PHF20L1: variants seen among roughly 807,000 people sequenced by gnomAD.
PHF20L1 encodes PHD finger protein 20 like 1.
A neutral mutation model predicts 125.5 loss-of-function variants in PHF20L1; 44 were observed. The ratio of observed to expected loss-of-function variants is 0.35; its 90% CI spans 0.28 to 0.45. The LOEUF is 0.45. PHF20L1 is among the 20% of genes least tolerant of loss of function. The pLI is 1.00. For synonymous variants in PHF20L1, 380 were observed against 403.1 expected, an observed-to-expected ratio of 0.94 and a Z score of 0.69; for missense variants, 1,012 against 1,217.2, an observed-to-expected ratio of 0.83 and a Z score of 2.51.
At chr8:132,810,897 A>G in intron 8 of PHF20L1, 149 bp from the exon 9 acceptor site, 2 of 609,276 alleles carry the variant, frequency 3.3e-6, no homozygotes, top group Non-Finnish European at 6.0e-6. Context: ...TATTAAGCAT[A>G]TTTGTATTTT....
intron 2 of PHF20L1, among the ~76,000 whole-genome samples, chr8:132,784,709 G>A (rs1363768747): frequency 3.9e-5 from 6 of 152,080 alleles, no homozygotes; most frequent in Admixed American, 1.3e-4. Context: ...AAACCTTTTG[G>A]CTCCCAATAT....
chr8:132,816,883 T>C lies in PHF20L1; in HGVS notation c.1184-5T>C, dbSNP rs1487541399. 6.2e-7 allele frequency: 1 copy of C among 1,605,170 alleles called. No individual in the cohort carries two copies. On this transcript the variant is annotated splice_region_variant and splice_polypyrimidine_tract_variant and intron_variant, in intron 10 of 20. Coordinates refer to ENST00000395386, the MANE Select transcript of PHF20L1 (RefSeq NM_016018.5). ...GCTTCGTGAACATTGAAGATCTTTT[T>C]CTAGGTCCTCCACAGCCTGTGAATC...
rs900858705 is a variant in PHF20L1, at chr8:132,838,074, G to A, written c.2191+263G>A. On this transcript the variant is annotated intron_variant, in intron 17 of 20. Transcript: ENST00000395386. ...AGAACCTATTGATTACCCTTAGTGA[G>A]GACTCACTGTACTTCTTGGTCAATT... is the stretch of plus-strand genomic sequence containing the variant. The A allele has an allele frequency of 8.9e-5, 28 of 315,468 alleles. No homozygotes were observed. In the East Asian group the frequency reaches 1.6e-3, roughly 18 times the overall value. The allele number at this position is 315,468 out of a possible 1,614,324, so 19.5% of individuals were successfully genotyped here. A position where few individuals can be genotyped will look rare whatever the true frequency, so the allele number is the denominator to read the frequency against.
At chr8:132,803,714 T>A in intron 6 of PHF20L1, 105 bp from the exon 7 acceptor site, 3 of 642,626 alleles carry the variant, frequency 4.7e-6, no homozygotes, top group African/African-American at 3.7e-5. Context: ...GTTTATGTAG[T>A]TACCTGTGAA....
At position 132,814,741 on chromosome 8, in the gene PHF20L1, G is replaced by T; in HGVS notation, c.1035G>T (p.Gly345=). 6.2e-7 allele frequency: 1 copy of T among 1,612,960 alleles called. No individual in the cohort carries two copies. Among genetic ancestry groups the T allele is most frequent in the Non-Finnish European group, 8.5e-7 (1 of 1,179,256 alleles). ...PALLSSTLSS[G]KARSKKCKHE... is the part of the protein sequence containing the mutation. ...TGTTATCCTCAACTTTGTCTTCAGG[G>T]AAGGCTCGCAGCAAGAAATGCAAAC... The change falls in exon 10 of 21, where the codon GGG becomes GGT. Residue 345 remains glycine (G), a synonymous_variant. Transcript: ENST00000395386.
At chr8:132,782,766 CTTTTTCTTTTTT>C (rs1030541838) in intron 2 of PHF20L1, among the ~76,000 whole-genome samples, 2 of 150,884 alleles carry the variant, frequency 1.3e-5, no homozygotes, top group African/African-American at 4.9e-5. Context: ...TTTTCTTTTT[CTTTTTCTTTTTT>C]TTTTTTTGGT....
At position 132,832,263 on chromosome 8, in the gene PHF20L1, C is replaced by T. The variant is rs16904746; in HGVS notation, c.1773C>T (p.Leu591=). The part of the protein sequence containing the change: ...HDYSDYEDSS[L]EFLERCSSPL... ...ATTCAGACTATGAAGACAGTTCCCT[C>T]GAATTTTTGGAAAGGTGCTCTTCTC... The change falls in exon 15 of 21, where the codon CTC becomes CTT. Residue 591 remains leucine, a synonymous_variant. Coordinates refer to ENST00000395386, the MANE Select transcript of PHF20L1 (RefSeq NM_016018.5). 666,513 of 1,591,530 alleles carry T rather than the reference C, an allele frequency of 0.42. 141,737 individuals carry two copies. Among genetic ancestry groups the T allele is most frequent in the South Asian group, 0.51 (46,033 of 90,508 alleles).
At chr8:132,830,322 A>G (rs1055464847) in intron 14 of PHF20L1, among the ~76,000 whole-genome samples, 6 of 152,066 alleles carry the variant, frequency 3.9e-5, no homozygotes, top group African/African-American at 1.4e-4. Flanking sequence ...CATATGATCC[A>G]GGATACTCTC....
At chr8:132,781,376 C>A (rs1316873020) in intron 2 of PHF20L1, among the ~76,000 whole-genome samples, 7 of 151,968 alleles carry the variant, frequency 4.6e-5, no homozygotes, top group Non-Finnish European at 1.0e-4. Flanking sequence ...ATGCATTGTA[C>A]CTTTTTAAGT....
chr8:132,816,724 A>G (rs1428194813), intron 10 of PHF20L1, 164 bp from the exon 11 acceptor site: 3 of 522,996 alleles, frequency 5.7e-6, no homozygotes, highest in East Asian at 6.6e-5. Context: ...ATGAGGGCAC[A>G]ATTTTTGCCT....
rs769817586 is a variant in PHF20L1, at chr8:132,803,839, A to C, written c.528A>C (p.Lys176Asn). 3.7e-6 allele frequency: 6 copies of C among 1,602,296 alleles called. No homozygotes were observed. The highest frequency in any genetic ancestry group is 4.3e-6 in the Non-Finnish European group (5 of 1,171,150). Residue 176 changes from lysine (K) to asparagine (N), a missense_variant, in exon 7 of 21, where the codon AAA becomes AAC. By Grantham distance (94) the Lys-to-Asn change is moderately conservative. Transcript: ENST00000395386. The part of the protein sequence containing the change: ...MGSEDWIALV[K>N]AAAAAAAKNK... ...TGGAGGATTGGATAGCTTTAGTCAA[A>C]GCAGCTGCTGCAGCTGCAGCCAAGA... is the stretch of plus-strand genomic sequence containing the variant.
chr8:132,779,180 G>A (rs1037356335), intron 2 of PHF20L1, among the ~76,000 whole-genome samples: 1 of 152,156 alleles, frequency 6.6e-6, no homozygotes, highest in Admixed American at 6.5e-5. Flanking sequence ...AATCGATACT[G>A]TCACTAGGTG....
intron 8 of PHF20L1, chr8:132,810,048 T>C (rs1563814357): frequency 6.7e-6 from 1 of 148,582 alleles, no homozygotes; most frequent in African/African-American, 2.4e-5. Flanking sequence ...TAAAATACTG[T>C]CTTTTTTTTT....
At chr8:132,781,086 A>G (rs926394605) in intron 2 of PHF20L1, among the ~76,000 whole-genome samples, 2 of 152,056 alleles carry the variant, frequency 1.3e-5, no homozygotes, top group Admixed American at 6.5e-5. Context: ...CCTGGCCTCA[A>G]ATGATCCTCC....
rs1563857439 is a variant in PHF20L1, at chr8:132,842,507, GT to G, written c.2388-4del. ...TCTGAACTGCTGTTTTTCCAACTTT[GT>G]TTTAAGGAATAAACATCATCCTGAC... On this transcript the variant is annotated splice_polypyrimidine_tract_variant and splice_region_variant and intron_variant, in intron 18 of 20. Coordinates refer to ENST00000395386, the MANE Select transcript of PHF20L1 (RefSeq NM_016018.5). 1.3e-6 allele frequency: 2 copies of G among 1,508,504 alleles called. No individual in the cohort carries two copies. The highest frequency in any genetic ancestry group is 2.7e-5 in the South Asian group (2 of 73,796). 93.4% of individuals were successfully genotyped at this position (1,508,504 alleles called of 1,614,324 possible).
chr8:132,776,226 GT>G (rs983975320), intron 1 of PHF20L1, among the ~76,000 whole-genome samples: 1 of 151,790 alleles, frequency 6.6e-6, no homozygotes, highest in African/African-American at 2.4e-5. Context: ...GGAAAATCTT[GT>G]TTTTTTTCTG....
At chr8:132,810,002 TG>T (rs1157214075) in intron 8 of PHF20L1, 1 of 152,072 alleles carries the variant, frequency 6.6e-6, no homozygotes, top group Non-Finnish European at 1.5e-5. Context: ...TTTAATGTCT[TG>T]GGATTCAAAT....
Position 132,824,033 on chromosome 8 carries a change from T to C in PHF20L1, c.1609T>C (p.Leu537=), listed in dbSNP as rs1330561113. 6.2e-7 allele frequency: 1 copy of C among 1,601,456 alleles called. No homozygotes were observed. The highest frequency in any genetic ancestry group is 8.5e-7 in the Non-Finnish European group (1 of 1,170,994). Residue 537 remains leucine (L), a synonymous_variant, in exon 13 of 21, where the codon TTG becomes CTG. Coordinates refer to ENST00000395386, the MANE Select transcript of PHF20L1 (RefSeq NM_016018.5). Reference sequence around the variant, plus strand: ...ATCGAAAACAGAAAAAAAAGTGAAATTGGAAGACAAAAGCTCAACAGCATT... The same window carrying C: ...ATCGAAAACAGAAAAAAAAGTGAAACTGGAAGACAAAAGCTCAACAGCATT... ...GISKTEKKVK[L]EDKSSTAFGK...
chr8:132,820,648 A>G (rs750637914), intron 12 of PHF20L1, among the ~76,000 whole-genome samples: 1 of 151,958 alleles, frequency 6.6e-6, no homozygotes, highest in Admixed American at 6.6e-5. Flanking sequence ...TCAGTTTTTC[A>G]TCTATATGAT....
Sources: gnomAD v4.1 joint callset for allele counts (sites outside exome capture counted in the v4.1 genomes callset) on GRCh38, gnomAD v4.1.1 for gene constraint, MANE v1.5 for transcripts, NCBI Gene and HGNC (gene_info 2026-07-23, HGNC 2026-07-21) for gene names.